The following RAB33B variants were observed in gnomAD, a reference collection of about 807,000 sequenced individuals.
RAB33B encodes the protein RAB33B, member RAS oncogene family.
RAB33B carries 6 observed loss-of-function variants against 15.0 expected under a neutral mutation model. The ratio of observed to expected loss-of-function variants is 0.40; its 90% CI spans 0.22 to 0.79. The LOEUF (loss-of-function observed/expected upper bound fraction) is 0.79. Ranked by LOEUF, RAB33B falls within the 30% of genes least tolerant of loss-of-function variation. The pLI, the probability that RAB33B is intolerant of heterozygous loss-of-function variation, is 0.37. For synonymous variants in RAB33B, 117 were observed against 108.3 expected (o/e 1.08, Z -0.50); for missense variants, 257 against 296.4 (o/e 0.87, Z 0.98).
At chr4:139,454,771 A>G (rs1750030876) in intron 1 of RAB33B, among the ~76,000 whole-genome samples, 1 of 151,834 alleles carries the variant, frequency 6.6e-6, no homozygotes, top group Non-Finnish European at 1.5e-5. Context: ...CGACCCATTT[A>G]CTGTGTGTGT....
the RAB33B span, among the ~76,000 whole-genome samples, chr4:139,444,143 G>C: frequency 7.9e-5 from 12 of 152,308 alleles, no homozygotes; most frequent in South Asian, 1.4e-3. Flanking sequence ...CACAGAGTTG[G>C]ATCAGGCTGA....
chr4:139,450,458 G>C (rs765603386), upstream of RAB33B: 1 of 152,206 alleles, frequency 6.6e-6, no homozygotes, highest in Non-Finnish European at 1.5e-5. Context: ...CCCTTCTGTA[G>C]GCTCAAGGAG....
the RAB33B span, among the ~76,000 whole-genome samples, chr4:139,443,155 G>A: frequency 6.6e-6 from 1 of 152,102 alleles, no homozygotes; most frequent in Admixed American, 6.6e-5. Context: ...ACCATGCCCG[G>A]CTAATTTTTT....
At chr4:139,472,626 T>A (rs1750411551) in intron 1 of RAB33B, 60 bp from the exon 2 acceptor site, 2 of 1,202,202 alleles carry the variant, frequency 1.7e-6, no homozygotes, top group Admixed American at 2.3e-5. Flanking sequence ...TGATTACATT[T>A]CTTGATATGT....
At chr4:139,463,462 T>A (rs1435438574) in intron 1 of RAB33B, among the ~76,000 whole-genome samples, 2 of 152,236 alleles carry the variant, frequency 1.3e-5, no homozygotes, top group Admixed American at 1.3e-4. Context: ...ATCTTTATAA[T>A]GTTTAAAATG....
At chr4:139,468,058 A>G (rs539841544) in intron 1 of RAB33B, among the ~76,000 whole-genome samples, 195 of 149,394 alleles carry the variant, frequency 1.3e-3, no homozygotes, top group South Asian at 4.3e-3. Flanking sequence ...TCAACTCTCT[A>G]CGTCCATGAG....
chr4:139,454,526 C>T (rs1750025319), intron 1 of RAB33B, 82 bp downstream of exon 1: 6 of 1,480,962 alleles, frequency 4.1e-6, no homozygotes, highest in Middle Eastern at 2.2e-4. Flanking sequence ...GCCGTGTGCA[C>T]GGTGTGTGTG....
At chr4:139,443,319 A>C in the RAB33B span, among the ~76,000 whole-genome samples, 1 of 152,172 alleles carries the variant, frequency 6.6e-6, no homozygotes, top group South Asian at 2.1e-4. Flanking sequence ...AGAGTTATGA[A>C]AAATAAATGC....
chr4:139,465,823 G>A (rs1038473718), intron 1 of RAB33B, among the ~76,000 whole-genome samples: 2 of 149,946 alleles, frequency 1.3e-5, no homozygotes, highest in Non-Finnish European at 3.0e-5. Flanking sequence ...TTGATCTCCT[G>A]GGCTTAAGCG....
At chr4:139,451,363 C>CTTTTTTTTTTTTTTTTTTT (rs901731114), upstream of RAB33B, 4 of 108,664 alleles carry the variant, frequency 3.7e-5, no homozygotes, top group Non-Finnish European at 7.4e-5. Flanking sequence ...ACCACACCCA[C>CTTTTTTTTTTTTTTTTTTT]TTTTTTTTTT....
At chr4:139,463,013 A>G (rs775500963) in intron 1 of RAB33B, among the ~76,000 whole-genome samples, 4 of 152,240 alleles carry the variant, frequency 2.6e-5, no homozygotes, top group South Asian at 4.1e-4. Flanking sequence ...AAAAAACACA[A>G]AAATTAACTG....
chr4:139,466,961 C>CTTTTTTTTTT (rs35504904), intron 1 of RAB33B, among the ~76,000 whole-genome samples: 4 of 68,482 alleles, frequency 5.8e-5, no homozygotes, highest in Non-Finnish European at 1.1e-4. Flanking sequence ...GAAGCACAAA[C>CTTTTTTTTTT]TTTTTTTTTT....
chr4:139,467,308 C>CTTTTTTTTTTT (rs70943422), intron 1 of RAB33B, among the ~76,000 whole-genome samples: 1 of 17,606 alleles, frequency 5.7e-5, no homozygotes, highest in African/African-American at 1.1e-4. Flanking sequence ...CCCCCCGCCG[C>CTTTTTTTTTTT]TTTTTTTTTT....
intron 1 of RAB33B, among the ~76,000 whole-genome samples, chr4:139,456,237 T>C (rs1180340771): frequency 6.6e-6 from 1 of 151,998 alleles, no homozygotes; most frequent in Admixed American, 6.6e-5. Flanking sequence ...GCAGAGATAG[T>C]GGAGGGCATA....
chr4:139,463,843 A>AAGGCAGC (rs550089750), intron 1 of RAB33B, among the ~76,000 whole-genome samples: 1 of 152,204 alleles, frequency 6.6e-6, no homozygotes, highest in Non-Finnish European at 1.5e-5. Flanking sequence ...GCAGGCCTGG[A>AAGGCAGC]AGGCAGCAGG....
the RAB33B span, among the ~76,000 whole-genome samples, chr4:139,448,082 G>A: frequency 0.015 from 2,267 of 152,312 alleles, 31 homozygotes; most frequent in Non-Finnish European, 0.021. Context: ...AGGTAAGGAA[G>A]AGTATGCATG....
the RAB33B span, among the ~76,000 whole-genome samples, chr4:139,446,350 C>A: frequency 1.1e-3 from 168 of 152,294 alleles, no homozygotes; most frequent in Non-Finnish European, 2.0e-3. Flanking sequence ...TCTAGGACAT[C>A]CCTGAAGGAC....
the RAB33B span, among the ~76,000 whole-genome samples, chr4:139,447,656 T>TATTCCAC: frequency 7.2e-6 from 1 of 139,474 alleles, no homozygotes; most frequent in South Asian, 2.3e-4. Flanking sequence ...ATCAGTCTAC[T>TATTCCAC]ACTTTTTTTT....
At chr4:139,454,566 T>C in intron 1 of RAB33B, 122 bp downstream of exon 1, 1 of 1,155,222 alleles carries the variant, frequency 8.7e-7, no homozygotes, top group Non-Finnish European at 1.2e-6. Flanking sequence ...GCTGATGAGA[T>C]TGGAGTTGGG....
Sources: allele counts gnomAD v4.1 joint callset (sites outside exome capture counted in the v4.1 genomes callset), GRCh38; gene constraint gnomAD v4.1.1; transcripts MANE v1.5; gene names NCBI Gene and HGNC (gene_info 2026-07-23, HGNC 2026-07-21).